The following CHST9 variants were observed in gnomAD, a reference collection of about 807,000 sequenced individuals.
CHST9 encodes GalNAc-4-sulfotransferase 2.
A neutral mutation model predicts 44.4 loss-of-function variants in CHST9; 41 were observed. The observed-to-expected ratio is 0.92, with a 90% CI of 0.72 to 1.20. CHST9 has a LOEUF of 1.20. Ranked by LOEUF, CHST9 falls within the 50% of genes most tolerant of loss-of-function variation. The pLI, the probability that CHST9 is intolerant of heterozygous loss-of-function variation, is 0.00. For synonymous variants in CHST9, 171 were observed against 178.4 expected, an observed-to-expected ratio of 0.96 and a Z score of 0.33; for missense variants, 504 against 516.5, an observed-to-expected ratio of 0.98 and a Z score of 0.23.
Position 26,910,814 on chromosome 18 carries a change from G to A in CHST9, c.*5445C>T, listed in dbSNP as rs189747423. On this transcript the variant is annotated 3_prime_UTR_variant, in exon 6 of 6. Coordinates refer to ENST00000618847, the MANE Select transcript of CHST9 (RefSeq NM_031422.6). ...ATACTCGACTTTGATTTTTTTGAAAGCTACTTTTGGAAACGGTTAGACTTA... is the reference window on the plus strand; with the variant it reads ...ATACTCGACTTTGATTTTTTTGAAAACTACTTTTGGAAACGGTTAGACTTA... 6.6e-6 allele frequency: 1 copy of A among 152,172 alleles called. No individual in the cohort carries two copies. Among genetic ancestry groups the A allele is most frequent in the East Asian group, 1.9e-4 (1 of 5,186 alleles). The allele number at this position is 152,172 out of a possible 1,614,324, so 9.4% of individuals were successfully genotyped here.
intron 4 of CHST9, among the ~76,000 whole-genome samples, chr18:26,969,057 G>C (rs528418117): frequency 5.6e-4 from 85 of 150,954 alleles, no homozygotes; most frequent in African/African-American, 2.0e-3. Flanking sequence ...GGAGTGCAGT[G>C]GTGCGATCTC....
intron 2 of CHST9, among the ~76,000 whole-genome samples, chr18:27,107,769 C>T (rs72884327): frequency 6.6e-6 from 1 of 152,090 alleles, no homozygotes; most frequent in Non-Finnish European, 1.5e-5. Context: ...CTTATGAGGA[C>T]TTGATAAATA....
chr18:27,138,224 T>C (rs1028166878), intron 2 of CHST9, among the ~76,000 whole-genome samples: 1 of 152,122 alleles, frequency 6.6e-6, no homozygotes, highest in Non-Finnish European at 1.5e-5. Context: ...GCACTCTCCT[T>C]GAGAAAAAGG....
intron 1 of CHST9, among the ~76,000 whole-genome samples, chr18:27,154,824 T>C (rs1207307203): frequency 6.6e-6 from 1 of 152,020 alleles, no homozygotes; most frequent in African/African-American, 2.4e-5. Flanking sequence ...GGTTCATGCC[T>C]GTAATCCCAG....
At chr18:26,921,205 A>C (rs1279436817) in intron 5 of CHST9, among the ~76,000 whole-genome samples, 1 of 152,198 alleles carries the variant, frequency 6.6e-6, no homozygotes, top group African/African-American at 2.4e-5. Context: ...TAGGAATGTC[A>C]CATGAGCCCT....
In CHST9 at chr18:26,915,862, C is replaced by G. The variant is rs1023238543; in HGVS notation, c.*397G>C. 1 of 158,078 alleles carries G rather than the reference C, an allele frequency of 6.3e-6. No individual in the cohort carries two copies. Among genetic ancestry groups the G allele is most frequent in the Non-Finnish European group, 1.4e-5 (1 of 71,544 alleles). The allele number at this position is 158,078 out of a possible 1,614,324, so 9.8% of individuals were successfully genotyped here. ...ATTCAACAGTTTGATTAATATGCCA[C>G]AGACTGCTAAAAATATATTCATGCA... On this transcript the variant is annotated 3_prime_UTR_variant, in exon 6 of 6. Transcript: ENST00000618847.
intron 2 of CHST9, among the ~76,000 whole-genome samples, chr18:27,057,217 T>A (rs1466911626): frequency 2.0e-5 from 3 of 152,230 alleles, no homozygotes; most frequent in Non-Finnish European, 4.4e-5. Context: ...AGGTAAATGC[T>A]ATCTTTCAAT....
intron 3 of CHST9, among the ~76,000 whole-genome samples, chr18:27,026,439 A>G (rs1273102494): frequency 6.6e-6 from 1 of 152,188 alleles, no homozygotes; most frequent in Non-Finnish European, 1.5e-5. Flanking sequence ...GTAAGCATCG[A>G]TTAAATGATA....
chr18:27,083,184 A>G (rs1350031031), intron 2 of CHST9, among the ~76,000 whole-genome samples: 1 of 152,148 alleles, frequency 6.6e-6, no homozygotes. Flanking sequence ...TATTTAACTC[A>G]CATTAAGCTT....
chr18:26,908,972 G>T lies in CHST9; in HGVS notation c.*7287C>A, dbSNP rs2055404839. The T allele has an allele frequency of 6.6e-6, 1 of 152,204 alleles. No homozygotes were observed. The highest frequency in any genetic ancestry group is 1.5e-5 in the Non-Finnish European group (1 of 68,034). 9.4% of individuals were successfully genotyped at this position (152,204 alleles called of 1,614,324 possible). ...ATTGTCTTCACTTGTTCAATGTGAA[G>T]TTGAGTTGCCAAAATTGCCTTCAGT... On this transcript the variant is annotated 3_prime_UTR_variant, in exon 6 of 6. Coordinates refer to ENST00000618847, the MANE Select transcript of CHST9 (RefSeq NM_031422.6).
intron 4 of CHST9, among the ~76,000 whole-genome samples, chr18:27,019,710 A>AAAG (rs960028668): frequency 6.0e-5 from 9 of 150,840 alleles, no homozygotes; most frequent in South Asian, 2.1e-4. Context: ...AAAAAAAAAA[A>AAAG]AGAGAGAAAA....
In CHST9 at chr18:26,916,492, C is replaced by T; in HGVS notation, c.1099G>A (p.Val367Ile). Residue 367 changes from valine to isoleucine, a missense_variant, in exon 6 of 6, where the codon GTA becomes ATA. Physicochemically the swap from Val to Ile is conservative, Grantham distance 29. Transcript: ENST00000618847. ...CYPCLINYDF[V>I]GKFETLEEDA... ...TCTTCCAAAGTCTCAAATTTCCCTA[C>T]AAAATCATAGTTGATCAAACACGGA... 1.9e-6 allele frequency: 3 copies of T among 1,613,806 alleles called. No homozygotes were observed. The highest frequency in any genetic ancestry group is 3.3e-5 in the Admixed American group (2 of 59,988).
chr18:26,953,595 A>G lies in CHST9; in HGVS notation c.203-9229T>C, dbSNP rs140998356. 3.9e-5 allele frequency among the ~76,000 whole-genome samples: 6 copies of G among 152,308 alleles called. No individual in the cohort carries two copies. The East Asian group carries it at 1.2e-3, about 29-fold the overall frequency. ...AAGGAAAATGAAGAAAATCAAAGAC[A>G]GCCTGTTGAAGAAATGTTTGAAAGA... On this transcript the variant is annotated intron_variant, in intron 4 of 5. Coordinates refer to ENST00000618847, the MANE Select transcript of CHST9 (RefSeq NM_031422.6).
chr18:26,972,850 G>C (rs2056567944), intron 4 of CHST9, among the ~76,000 whole-genome samples: 1 of 152,140 alleles, frequency 6.6e-6, no homozygotes, highest in Admixed American at 6.5e-5. Context: ...TTAAAATGCA[G>C]TTTTGGCTTC....
At position 26,916,867 on chromosome 18, in the gene CHST9, A is replaced by T; in HGVS notation, c.724T>A (p.Tyr242Asn). Reference protein sequence around the residue: ...MVLNGLASSAYNISHNAVHYG... With the variant: ...MVLNGLASSANNISHNAVHYG... ...TGGACAGCATTGTGGGAGATGTTGT[A>T]TGCAGAGGAAGCCAATCCATTTAGT... The change falls in exon 6 of 6, where the codon TAC becomes AAC. Residue 242 changes from tyrosine to asparagine, a missense_variant. Physicochemically the swap from Tyr to Asn is moderately radical, Grantham distance 143. Coordinates refer to ENST00000618847, the MANE Select transcript of CHST9 (RefSeq NM_031422.6). 2 of 1,613,966 alleles carry T rather than the reference A, an allele frequency of 1.2e-6. No individual in the cohort carries two copies. The highest frequency in any genetic ancestry group is 1.7e-6 in the Non-Finnish European group (2 of 1,179,880).
intron 4 of CHST9, among the ~76,000 whole-genome samples, chr18:26,978,285 ATGTGTGTGTG>A (rs35717712): frequency 6.7e-6 from 1 of 150,220 alleles, no homozygotes; most frequent in Non-Finnish European, 1.5e-5. Context: ...GAGTGTGTGT[ATGTGTGTGTG>A]TGTGTGTGCT....
At chr18:27,035,953 C>T (rs951235782) in intron 3 of CHST9, among the ~76,000 whole-genome samples, 3 of 151,888 alleles carry the variant, frequency 2.0e-5, no homozygotes, top group Admixed American at 6.6e-5. Flanking sequence ...GATTATTTAA[C>T]AATGTATGCA....
At chr18:27,169,879 T>C (rs2058821317) in intron 1 of CHST9, among the ~76,000 whole-genome samples, 1 of 152,192 alleles carries the variant, frequency 6.6e-6, no homozygotes, top group African/African-American at 2.4e-5. Context: ...AGTGCTGGGA[T>C]TACAGGCGTG....
At chr18:27,037,849 T>A (rs537358459) in intron 3 of CHST9, among the ~76,000 whole-genome samples, 61 of 151,270 alleles carry the variant, frequency 4.0e-4, no homozygotes, top group Admixed American at 3.3e-3. Context: ...TTTTTTTTTT[T>A]AAATTTTTAC....
Sources: allele counts gnomAD v4.1 joint callset (sites outside exome capture counted in the v4.1 genomes callset), GRCh38; gene constraint gnomAD v4.1.1; transcripts MANE v1.5; gene names NCBI Gene and HGNC (gene_info 2026-07-23, HGNC 2026-07-21).